GABRG2: variants seen among roughly 807,000 people sequenced by gnomAD.
GABRG2 encodes the protein gamma-aminobutyric acid type A receptor subunit gamma2.
In GABRG2, 16 loss-of-function variants were observed where a neutral mutation model predicts 56.4. The ratio of observed to expected loss-of-function variants is 0.28; its 90% CI spans 0.19 to 0.43. The LOEUF is 0.43. GABRG2 is among the 20% of genes least tolerant of loss of function. The pLI, the probability that GABRG2 is intolerant of heterozygous loss-of-function variation, is 1.00. For synonymous variants in GABRG2, 208 were observed against 205.5 expected (o/e 1.01, Z -0.10); for missense variants, 327 against 582.7 (o/e 0.56, Z 4.52).
intron 6 of GABRG2, among the ~76,000 whole-genome samples, chr5:162,106,734 C>T (rs949360283): frequency 6.6e-6 from 1 of 152,122 alleles, no homozygotes; most frequent in Admixed American, 6.6e-5. Context: ...ATTTTCCAAC[C>T]TTTATTCATT....
chr5:162,102,825 T>G, intron 5 of GABRG2: 1 of 231,708 alleles, frequency 4.3e-6, no homozygotes, highest in Non-Finnish European at 8.9e-6. Context: ...CTAGGGACTC[T>G]CTCTTTTTTT....
chr5:162,068,995 A>C (rs1229460165), intron 1 of GABRG2, among the ~76,000 whole-genome samples: 2 of 152,194 alleles, frequency 1.3e-5, no homozygotes, highest in African/African-American at 4.8e-5. Context: ...ATAATCGTGA[A>C]GTACACATTA....
chr5:162,101,411 A>G, intron 5 of GABRG2, 94 bp downstream of exon 5: 1 of 862,960 alleles, frequency 1.2e-6, no homozygotes, highest in Non-Finnish European at 2.0e-6. Flanking sequence ...ACAAATTTCA[A>G]AGTTGTATTA....
rs996991876 is a variant in GABRG2, at chr5:162,149,893, C to T, written c.1128+580C>T. On this transcript the variant is annotated intron_variant, in intron 8 of 9. Transcript: ENST00000639213. ...CCTCCCAAAGTGCTGGGATTAGATG[C>T]GTGAGCCACTGCGCCTGGCCATGAT... 3.4e-5 allele frequency: 9 copies of T among 265,118 alleles called. No homozygotes were observed. In the East Asian group the frequency reaches 3.6e-4, roughly 11 times the overall value. The allele number at this position is 265,118 out of a possible 1,614,324, so 16.4% of individuals were successfully genotyped here.
rs559653234 is a variant in GABRG2, at chr5:162,106,433, G to A, written c.769+2407G>A. On this transcript the variant is annotated intron_variant, in intron 6 of 9. Coordinates refer to ENST00000639213, the MANE Select transcript of GABRG2 (RefSeq NM_198904.4). ...TGAATTGAACATTAGTGTTGATAAC[G>A]AAAGGCAGGCTGATTTCTGTGACAG... Among the ~76,000 whole-genome samples the A allele has an allele frequency of 3.9e-5, 6 of 152,220 alleles. No homozygotes were observed. In the South Asian group the frequency reaches 8.3e-4, roughly 21 times the overall value.
intron 6 of GABRG2, among the ~76,000 whole-genome samples, chr5:162,119,266 G>A (rs113253398): frequency 1.1e-4 from 16 of 152,156 alleles, no homozygotes; most frequent in African/African-American, 3.9e-4. Flanking sequence ...TCTGTCTGGG[G>A]CTGAGAGAAA....
chr5:162,105,199 CA>C (rs1761710958), intron 6 of GABRG2, among the ~76,000 whole-genome samples: 1 of 152,100 alleles, frequency 6.6e-6, no homozygotes, highest in Non-Finnish European at 1.5e-5. Context: ...AGGACCTACA[CA>C]AAGATGGAAA....
At chr5:162,114,707 C>G (rs182633499) in intron 6 of GABRG2, among the ~76,000 whole-genome samples, 8 of 152,226 alleles carry the variant, frequency 5.3e-5, no homozygotes, top group Admixed American at 5.2e-4. Flanking sequence ...CTAGATCTCA[C>G]CTTTTGACAT....
At chr5:162,069,254 A>G (rs748859401) in intron 1 of GABRG2, among the ~76,000 whole-genome samples, 2 of 152,178 alleles carry the variant, frequency 1.3e-5, no homozygotes, top group Non-Finnish European at 2.9e-5. Context: ...GAGGTCCACT[A>G]TTTACATTAC....
intron 1 of GABRG2, among the ~76,000 whole-genome samples, chr5:162,074,271 A>G (rs1291138037): frequency 6.6e-6 from 1 of 152,078 alleles, no homozygotes; most frequent in Non-Finnish European, 1.5e-5. Flanking sequence ...AAATCATTGT[A>G]TAACTCTGCA....
At chr5:162,091,531 A>T (rs188958901) in intron 1 of GABRG2, among the ~76,000 whole-genome samples, 45 of 152,176 alleles carry the variant, frequency 3.0e-4, no homozygotes, top group African/African-American at 1.0e-3. Flanking sequence ...AGTAAGTTCC[A>T]GGCAAGCCAC....
chr5:162,096,857 A>T (rs1160348325), intron 3 of GABRG2, among the ~76,000 whole-genome samples: 1 of 152,086 alleles, frequency 6.6e-6, no homozygotes, highest in Admixed American at 6.6e-5. Context: ...TATGATAGAG[A>T]TTAACAGAGT....
chr5:162,088,881 C>A (rs139503621), intron 1 of GABRG2, among the ~76,000 whole-genome samples: 1 of 152,068 alleles, frequency 6.6e-6, no homozygotes, highest in East Asian at 1.9e-4. Context: ...TAGAACATAG[C>A]GAATATTTTT....
chr5:162,138,025 G>T (rs1764267399), intron 6 of GABRG2, among the ~76,000 whole-genome samples: 1 of 151,772 alleles, frequency 6.6e-6, no homozygotes, highest in Non-Finnish European at 1.5e-5. Flanking sequence ...CTCCCCAAGT[G>T]AGGGGATTCC....
chr5:162,153,977 C>T lies in GABRG2; in HGVS notation c.*609C>T, dbSNP rs418210. 49,374 of 153,912 alleles carry T rather than the reference C, an allele frequency of 0.32. 8,926 individuals are homozygous for T. Among genetic ancestry groups the T allele is most frequent in the African/African-American group, 0.49 (20,111 of 41,426 alleles). 9.5% of individuals were successfully genotyped at this position (153,912 alleles called of 1,614,324 possible). A position where few individuals can be genotyped will look rare whatever the true frequency, so the allele number is the denominator to read the frequency against. On this transcript the variant is annotated 3_prime_UTR_variant, in exon 10 of 10. Coordinates refer to ENST00000639213, the MANE Select transcript of GABRG2 (RefSeq NM_198904.4). ...TCTCTTTAGATCCAAAATAAATGGA[C>T]TGAAGTTATCATCCTATTGTCTTTT... is the stretch of plus-strand genomic sequence containing the variant.
At chr5:162,139,517 TC>T (rs1764392564) in intron 6 of GABRG2, among the ~76,000 whole-genome samples, 1 of 152,174 alleles carries the variant, frequency 6.6e-6, no homozygotes, top group South Asian at 2.1e-4. Context: ...TGAGAGATGC[TC>T]AGAAGCCATT....
chr5:162,096,741 T>A (rs1318487595), intron 3 of GABRG2, among the ~76,000 whole-genome samples: 3 of 150,888 alleles, frequency 2.0e-5, no homozygotes, highest in Non-Finnish European at 2.9e-5. Context: ...ACACCATATC[T>A]GCTTTTTTTT....
rs1358127747 is a variant in GABRG2 at position 162,104,267 on chromosome 5, T to A, written c.769+241T>A. Reference sequence around the variant, plus strand: ...ATTAGTAAATTATTCCCTAATTTATTTAAGGAAAAATGAATATAATTATGA... The same window carrying A: ...ATTAGTAAATTATTCCCTAATTTATATAAGGAAAAATGAATATAATTATGA... On this transcript the variant is annotated intron_variant, in intron 6 of 9. Transcript: ENST00000639213. 3.3e-5 allele frequency among the ~76,000 whole-genome samples: 5 copies of A among 152,210 alleles called. No homozygotes were observed. In the South Asian group the frequency reaches 1.0e-3, roughly 32 times the overall value.
At chr5:162,077,043 C>T (rs1172081553) in intron 1 of GABRG2, among the ~76,000 whole-genome samples, 2 of 149,974 alleles carry the variant, frequency 1.3e-5, no homozygotes, top group African/African-American at 4.9e-5. Flanking sequence ...AAGTGTTTTC[C>T]AAATGTATGC....
Sources: gnomAD v4.1 joint callset for allele counts (sites outside exome capture counted in the v4.1 genomes callset) on GRCh38, gnomAD v4.1.1 for gene constraint, MANE v1.5 for transcripts, NCBI Gene and HGNC (gene_info 2026-07-23, HGNC 2026-07-21) for gene names.